The following REV1 variants were observed in gnomAD, a reference collection of about 807,000 sequenced individuals.
The protein encoded by REV1 is translesion synthesis protein REV1.
In REV1, 42 loss-of-function variants were observed where a neutral mutation model predicts 137.4. The observed-to-expected ratio is 0.31, with a 90% CI of 0.24 to 0.40. The LOEUF is 0.40. REV1 is among the 10% of genes least tolerant of loss of function. The pLI is 1.00. For missense variants in REV1, 1,282 were observed against 1,490.1 expected, an observed-to-expected ratio of 0.86 and a Z score of 2.30; for synonymous variants, 524 against 519.2, an observed-to-expected ratio of 1.01 and a Z score of -0.12.
At position 99,488,370 on chromosome 2, in the gene REV1, T is replaced by G. The variant is rs752648700; in HGVS notation, c.-11+1447A>C. 8.4e-5 allele frequency among the ~76,000 whole-genome samples: 10 copies of G among 118,920 alleles called. 5 individuals carry two copies. The highest frequency in any genetic ancestry group is 1.8e-4 in the Non-Finnish European group (10 of 54,610). 78.0% of individuals were successfully genotyped at this position (118,920 alleles called of 152,430 possible). A position where few individuals can be genotyped will look rare whatever the true frequency, so the allele number is the denominator to read the frequency against. ...AATTTTAAAAGAGCAATTCCCATCTTTACAAAAAAAATTAAATATGTACGG... is the reference window on the plus strand; with the variant it reads ...AATTTTAAAAGAGCAATTCCCATCTGTACAAAAAAAATTAAATATGTACGG... On this transcript the variant is annotated intron_variant, in intron 1 of 22. Coordinates refer to ENST00000258428, the MANE Select transcript of REV1 (RefSeq NM_016316.4).
intron 12 of REV1, among the ~76,000 whole-genome samples, chr2:99,417,375 C>T (rs921986983): frequency 6.6e-6 from 1 of 152,108 alleles, no homozygotes; most frequent in African/African-American, 2.4e-5. Context: ...AACTCCTGGC[C>T]TCAAATGATC....
chr2:99,476,202 C>G (rs1363471578), intron 1 of REV1, among the ~76,000 whole-genome samples: 1 of 152,154 alleles, frequency 6.6e-6, no homozygotes, highest in Non-Finnish European at 1.5e-5. Context: ...GGGAGGTAAT[C>G]CTTTCTTTTC....
chr2:99,461,322 C>T (rs980830649), intron 3 of REV1, among the ~76,000 whole-genome samples: 5 of 152,310 alleles, frequency 3.3e-5, no homozygotes, highest in Admixed American at 2.6e-4. Context: ...TGTCCAGTCA[C>T]TGTAGAGGCA....
intron 10 of REV1, 118 bp downstream of exon 10, chr2:99,424,034 G>T: frequency 9.1e-7 from 1 of 1,100,530 alleles, no homozygotes. Flanking sequence ...AGTGGTTCCT[G>T]GAAGATAAAA....
intron 15 of REV1, among the ~76,000 whole-genome samples, chr2:99,407,080 C>CT (rs869170472): frequency 0.38 from 22,452 of 59,220 alleles, 8,596 homozygotes; most frequent in South Asian, 0.53. Flanking sequence ...TACAAAGGTT[C>CT]TTTTTTTTTT....
intron 4 of REV1, among the ~76,000 whole-genome samples, chr2:99,444,957 A>G (rs1454510583): frequency 6.6e-6 from 1 of 152,162 alleles, no homozygotes; most frequent in Non-Finnish European, 1.5e-5. Context: ...ATAATACTAC[A>G]CGGTTTCCTT....
intron 11 of REV1, among the ~76,000 whole-genome samples, chr2:99,420,772 A>T (rs914204799): frequency 2.0e-5 from 3 of 152,178 alleles, no homozygotes; most frequent in Non-Finnish European, 1.5e-5. Context: ...GAAAGTGACA[A>T]TGGCAAGCTA....
In REV1 at chr2:99,403,751, T is replaced by A; in HGVS notation, c.3110A>T (p.Asp1037Val). The change falls in exon 19 of 23, where the codon GAT (aspartate) becomes GTT (valine). Residue 1037 changes from aspartate to valine, a missense_variant. Coordinates refer to ENST00000258428, the MANE Select transcript of REV1 (RefSeq NM_016316.4). ...ELQRELKAAY[D>V]QRQRQGENST... ...GTTCTCGCCCTGCCTTTGTCTTTGA[T>A]CATACGCTGCTTTCAGCTCCCTCTG... is the stretch of plus-strand genomic sequence containing the variant. 1.2e-6 allele frequency: 2 copies of A among 1,614,206 alleles called. No individual in the cohort carries two copies. Among genetic ancestry groups the A allele is most frequent in the Non-Finnish European group, 1.7e-6 (2 of 1,180,030 alleles).
At chr2:99,470,404 C>A (rs531480123) in intron 1 of REV1, among the ~76,000 whole-genome samples, 1 of 152,114 alleles carries the variant, frequency 6.6e-6, no homozygotes, top group African/African-American at 2.4e-5. Context: ...CTCTCCTCCC[C>A]GTGTAATTAG....
Position 99,435,936 on chromosome 2 carries a change from T to G in REV1, c.1219A>C (p.Met407Leu), listed in dbSNP as rs200184935. The G allele has an allele frequency of 1.6e-4, 255 of 1,555,560 alleles. 6 individuals are homozygous for G. The East Asian group carries it at 5.6e-3, about 34-fold the overall frequency. The change falls in exon 7 of 23, where the codon ATG (methionine) becomes CTG (leucine). Residue 407 changes from methionine to leucine, a missense_variant. This residue lies in a region of REV1 where 432 missense variants were observed against 438.0 expected (regional missense o/e 0.99). Transcript: ENST00000258428. ...SALVVTDTGDMSVLNSPRHQS... is the reference protein window; with the variant it reads ...SALVVTDTGDLSVLNSPRHQS... ...TGTCTGGGAGAATTCAATACTGACATATCTCCTAGAAGGAAAAAGACAGCA... is the reference window on the plus strand; with the variant it reads ...TGTCTGGGAGAATTCAATACTGACAGATCTCCTAGAAGGAAAAAGACAGCA...
chr2:99,489,979 C>T lies in REV1; in HGVS notation c.-173G>A, dbSNP rs1210073083. 6.7e-6 allele frequency: 1 copy of T among 150,028 alleles called. No homozygotes were observed. Among genetic ancestry groups the T allele is most frequent in the East Asian group, 2.0e-4 (1 of 5,114 alleles). 9.3% of individuals were successfully genotyped at this position (150,028 alleles called of 1,614,324 possible). On this transcript the variant is annotated 5_prime_UTR_variant, in exon 1 of 23. Coordinates refer to ENST00000258428, the MANE Select transcript of REV1 (RefSeq NM_016316.4). ...GCGCCGCGGTCCACGCTCCCCCACG[C>T]TCGCGGCAACCAACCCCGCGCGCGC...
chr2:99,483,878 A>G (rs1686878445), intron 1 of REV1, among the ~76,000 whole-genome samples: 1 of 152,148 alleles, frequency 6.6e-6, no homozygotes, highest in African/African-American at 2.4e-5. Context: ...ACTTTCCTCC[A>G]GTAAGATATA....
chr2:99,425,537 C>T (rs1255670673), intron 9 of REV1, among the ~76,000 whole-genome samples: 1 of 152,132 alleles, frequency 6.6e-6, no homozygotes. Context: ...CTATGGTCAA[C>T]AGGCTTTGTC....
intron 1 of REV1, among the ~76,000 whole-genome samples, chr2:99,471,889 T>TAAAAAAAAAAAAA (rs947603744): frequency 1.1e-5 from 1 of 93,428 alleles, no homozygotes; most frequent in Non-Finnish European, 2.2e-5. Context: ...TAGCTACTAT[T>TAAAAAAAAAAAAA]AAAAAAAAAA....
rs1443034874 is a variant in REV1 at position 99,438,852 on chromosome 2, G to A, written c.962C>T (p.Ser321Leu). ...TACTGAAGAAGTGCTTTTTGTGCTT[G>A]AAGGCCCCTGAACAGTGGAGTGGTG... ...GAHHSTVQGP[S>L]STKSTSSVST... The change falls in exon 6 of 23, where the codon TCA (serine) becomes TTA (leucine). Residue 321 changes from serine (S) to leucine (L), a missense_variant. Physicochemically the swap from Ser to Leu is moderately radical, Grantham distance 145. Around this residue, in one of 7 missense-constraint regions of REV1, gnomAD observed 432 missense variants for 438.0 expected, o/e 0.99. Coordinates refer to ENST00000258428, the MANE Select transcript of REV1 (RefSeq NM_016316.4). 6.2e-7 allele frequency: 1 copy of A among 1,614,106 alleles called. No homozygotes were observed. Among genetic ancestry groups the A allele is most frequent in the African/African-American group, 1.3e-5 (1 of 74,946 alleles).
intron 1 of REV1, among the ~76,000 whole-genome samples, chr2:99,484,594 A>G (rs1686952123): frequency 4.7e-4 from 1 of 2,108 alleles, no homozygotes; most frequent in African/African-American, 5.6e-3. Context: ...AATGACTTTT[A>G]AATATGAGAA....
chr2:99,419,890 A>G (rs1483102495), intron 11 of REV1, among the ~76,000 whole-genome samples: 1 of 152,246 alleles, frequency 6.6e-6, no homozygotes, highest in Non-Finnish European at 1.5e-5. Flanking sequence ...TAGAAGACTT[A>G]TATAAACAGA....
At chr2:99,428,991 C>CA (rs762850171) in intron 9 of REV1, among the ~76,000 whole-genome samples, 10,227 of 63,038 alleles carry the variant, frequency 0.16, 650 homozygotes, top group Non-Finnish European at 0.2. Flanking sequence ...GACTCCGTCT[C>CA]AAAAAAAAAA....
At chr2:99,442,994 C>G in intron 4 of REV1, among the ~76,000 whole-genome samples, 1 of 152,154 alleles carries the variant, frequency 6.6e-6, no homozygotes, top group Admixed American at 6.5e-5. Context: ...CACACAACAC[C>G]ACTCAAATCC....
Sources: allele counts gnomAD v4.1 joint callset (sites outside exome capture counted in the v4.1 genomes callset), GRCh38; gene constraint gnomAD v4.1.1; regional missense constraint gnomAD v4.1.1; transcripts MANE v1.5; gene names NCBI Gene and HGNC (gene_info 2026-07-23, HGNC 2026-07-21).